The following HS3ST3B1 variants were observed in gnomAD, a reference collection of about 807,000 sequenced individuals.
HS3ST3B1 encodes the protein heparan sulfate-glucosamine 3-sulfotransferase 3B1.
In HS3ST3B1, 13 loss-of-function variants were observed where a neutral mutation model predicts 21.3. That is an observed-to-expected ratio of 0.61 (90% CI 0.40 to 0.97). HS3ST3B1 has a LOEUF of 0.97. Among genes scored for constraint, HS3ST3B1 ranks in the 50% least tolerant of loss-of-function variants. HS3ST3B1 has a pLI of 0.00. For synonymous variants in HS3ST3B1, 234 were observed against 254.8 expected, an observed-to-expected ratio of 0.92 and a Z score of 0.78; for missense variants, 459 against 554.8, an observed-to-expected ratio of 0.83 and a Z score of 1.73.
rs867098564 is a variant in HS3ST3B1 at position 14,326,944 on chromosome 17, A to G, written c.555-18084A>G. ...CTCAAAAAAAAAAAAAAAAAAAAAA[A>G]AAGAAGAAGAAGAAGAAGCTTCAGT... On this transcript the variant is annotated intron_variant, in intron 1 of 1. Coordinates refer to ENST00000360954, the MANE Select transcript of HS3ST3B1 (RefSeq NM_006041.3). Among the ~76,000 whole-genome samples, 264 of 148,104 alleles carry G rather than the reference A, an allele frequency of 1.8e-3. 1 individual carries two copies. The highest frequency in any genetic ancestry group is 5.7e-3 in the African/African-American group (221 of 38,986).
rs557708565 is a variant in HS3ST3B1 at position 14,307,318 on chromosome 17, G to A, written c.554+5246G>A. ...TACAATTTAGCATAGACTAGTATTTGTGAAAGATATTTTTCCAGCTAGAGT... is the reference window on the plus strand; with the variant it reads ...TACAATTTAGCATAGACTAGTATTTATGAAAGATATTTTTCCAGCTAGAGT... On this transcript the variant is annotated intron_variant, in intron 1 of 1. Coordinates refer to ENST00000360954, the MANE Select transcript of HS3ST3B1 (RefSeq NM_006041.3). Among the ~76,000 whole-genome samples, 4 of 151,392 alleles carry A rather than the reference G, an allele frequency of 2.6e-5. No individual in the cohort carries two copies. The East Asian group carries it at 7.8e-4, about 29-fold the overall frequency.
At chr17:14,315,395 T>C (rs1049767266) in intron 1 of HS3ST3B1, among the ~76,000 whole-genome samples, 7 of 152,270 alleles carry the variant, frequency 4.6e-5, no homozygotes, top group Non-Finnish European at 8.8e-5. Context: ...CCTTGGATGC[T>C]GTCGCAATGT....
chr17:14,307,891 A>C (rs953966391), intron 1 of HS3ST3B1, among the ~76,000 whole-genome samples: 5 of 152,190 alleles, frequency 3.3e-5, no homozygotes, highest in African/African-American at 4.8e-5. Context: ...AGTAAGAGAA[A>C]TTTCAATCCT....
At chr17:14,340,514 C>G (rs1392456256) in intron 1 of HS3ST3B1, among the ~76,000 whole-genome samples, 9 of 152,182 alleles carry the variant, frequency 5.9e-5, no homozygotes, top group Admixed American at 3.9e-4. Context: ...CAGTGGGTCT[C>G]TATACCTATC....
chr17:14,313,370 C>T (rs1406107308), intron 1 of HS3ST3B1, among the ~76,000 whole-genome samples: 1 of 151,514 alleles, frequency 6.6e-6, no homozygotes, highest in African/African-American at 2.4e-5. Context: ...TGCTAGTCAC[C>T]ACCCCTTACC....
At position 14,338,686 on chromosome 17, in the gene HS3ST3B1, A is replaced by G. The variant is rs535353541; in HGVS notation, c.555-6342A>G. Reference sequence around the variant, plus strand: ...TCGAACTCCTGACCTCAGGTGATCCAGCTGCCTTAGCCTCCCATAATGCTG... The same window carrying G: ...TCGAACTCCTGACCTCAGGTGATCCGGCTGCCTTAGCCTCCCATAATGCTG... On this transcript the variant is annotated intron_variant, in intron 1 of 1. Transcript: ENST00000360954. 1.6e-4 allele frequency among the ~76,000 whole-genome samples: 24 copies of G among 148,902 alleles called. No homozygotes were observed. The South Asian group carries it at 4.6e-3, about 28-fold the overall frequency.
intron 1 of HS3ST3B1, chr17:14,327,314 T>C (rs902107060): frequency 1.3e-5 from 2 of 152,242 alleles, no homozygotes; most frequent in African/African-American, 4.8e-5. Flanking sequence ...GCAATTTTTC[T>C]CATTGTTATT....
chr17:14,313,501 G>T (rs1405885884), intron 1 of HS3ST3B1, among the ~76,000 whole-genome samples: 1 of 152,160 alleles, frequency 6.6e-6, no homozygotes. Flanking sequence ...GCCTGTATAT[G>T]AACACCACTC....
intron 1 of HS3ST3B1, among the ~76,000 whole-genome samples, chr17:14,302,720 G>T (rs952505657): frequency 3.3e-5 from 5 of 152,052 alleles, no homozygotes; most frequent in African/African-American, 1.2e-4. Flanking sequence ...CGCGGAGCGT[G>T]GAGCTGTGCT....
At chr17:14,337,198 G>T (rs1910210434) in intron 1 of HS3ST3B1, among the ~76,000 whole-genome samples, 1 of 152,100 alleles carries the variant, frequency 6.6e-6, no homozygotes, top group Admixed American at 6.6e-5. Flanking sequence ...CACCAGTAGA[G>T]GTGGACTTAT....
rs779157143 is a variant in HS3ST3B1 at position 14,301,840 on chromosome 17, G to T, written c.322G>T (p.Ala108Ser). Residue 108 changes from alanine (A) to serine (S), a missense_variant, in exon 1 of 2, where the codon GCT becomes TCT. Ala to Ser is a moderately conservative substitution (Grantham distance 99). Transcript: ENST00000360954. ...TTCAGGCAAGGAGATGGCCGAGGGC[G>T]CTGCGAGCCCGGAGGAGCAGAGTCC... is the stretch of plus-strand genomic sequence containing the variant. ...LASGKEMAEG[A>S]ASPEEQSPEV... 11 of 1,584,128 alleles carry T rather than the reference G, an allele frequency of 6.9e-6. No individual in the cohort carries two copies. Among genetic ancestry groups the T allele is most frequent in the Middle Eastern group, 3.4e-4 (2 of 5,914 alleles).
At position 14,347,487 on chromosome 17, in the gene HS3ST3B1, A is replaced by G. The variant is rs1910613781; in HGVS notation, c.*1841A>G. 6.6e-6 allele frequency: 1 copy of G among 152,244 alleles called. No individual in the cohort carries two copies. The highest frequency in any genetic ancestry group is 1.5e-5 in the Non-Finnish European group (1 of 68,044). 9.4% of individuals were successfully genotyped at this position (152,244 alleles called of 1,614,324 possible). A position where few individuals can be genotyped will look rare whatever the true frequency, so the allele number is the denominator to read the frequency against. On this transcript the variant is annotated 3_prime_UTR_variant, in exon 2 of 2. Coordinates refer to ENST00000360954, the MANE Select transcript of HS3ST3B1 (RefSeq NM_006041.3). Reference sequence around the variant, plus strand: ...TACTTCCATCAAGGAATATGTGGGAAGATATACATATTGTCAAAATGGTTG... The same window carrying G: ...TACTTCCATCAAGGAATATGTGGGAGGATATACATATTGTCAAAATGGTTG...
chr17:14,342,959 AATGGCCGGGAGCAGT>A (rs1235801538), intron 1 of HS3ST3B1, among the ~76,000 whole-genome samples: 1 of 152,100 alleles, frequency 6.6e-6, no homozygotes, highest in African/African-American at 2.4e-5. Flanking sequence ...AGATTTAATC[AATGGCCGGGAGCAGT>A]GGCTCACGCC....
At chr17:14,322,938 C>T (rs1288076675) in intron 1 of HS3ST3B1, among the ~76,000 whole-genome samples, 3 of 148,582 alleles carry the variant, frequency 2.0e-5, no homozygotes, top group Non-Finnish European at 4.4e-5. Context: ...CAGAGTCTCA[C>T]CCTGTAACCC....
At chr17:14,313,870 C>T (rs761591335) in intron 1 of HS3ST3B1, among the ~76,000 whole-genome samples, 5 of 151,816 alleles carry the variant, frequency 3.3e-5, no homozygotes, top group Non-Finnish European at 5.9e-5. Context: ...GCACCTGGCC[C>T]CCTCCATCAT....
At chr17:14,337,451 C>T (rs1204956653) in intron 1 of HS3ST3B1, among the ~76,000 whole-genome samples, 1 of 151,618 alleles carries the variant, frequency 6.6e-6, no homozygotes, top group Non-Finnish European at 1.5e-5. Flanking sequence ...CCTCAGCCTC[C>T]TGAATAGCTG....
intron 1 of HS3ST3B1, 21 bp downstream of exon 1, chr17:14,302,093 C>T (rs778694279): frequency 6.3e-6 from 10 of 1,577,664 alleles, no homozygotes; most frequent in African/African-American, 5.4e-5. Context: ...CTGCCAGGGG[C>T]AGGGTCTCCA....
chr17:14,302,599 T>G (rs1005164686), intron 1 of HS3ST3B1, among the ~76,000 whole-genome samples: 5 of 151,984 alleles, frequency 3.3e-5, no homozygotes, highest in African/African-American at 4.8e-5. Context: ...ACAGTCCGCC[T>G]GGTTACCGGA....
intron 1 of HS3ST3B1, among the ~76,000 whole-genome samples, chr17:14,338,404 G>A (rs974849478): frequency 4.0e-5 from 6 of 151,646 alleles, no homozygotes; most frequent in Non-Finnish European, 7.4e-5. Flanking sequence ...GATTACAGAT[G>A]TGAGCCAACA....
Sources: gnomAD v4.1 joint callset for allele counts (sites outside exome capture counted in the v4.1 genomes callset) on GRCh38, gnomAD v4.1.1 for gene constraint, MANE v1.5 for transcripts, NCBI Gene and HGNC (gene_info 2026-07-23, HGNC 2026-07-21) for gene names.